FAIM2: variants seen among roughly 807,000 people sequenced by gnomAD.
FAIM2 encodes Fas apoptotic inhibitory molecule 2.
FAIM2 carries 27 observed loss-of-function variants against 47.4 expected under a neutral mutation model. The observed-to-expected ratio is 0.57, with a 90% CI of 0.42 to 0.78. The LOEUF (loss-of-function observed/expected upper bound fraction) is 0.78. Among genes scored for constraint, FAIM2 ranks in the 30% least tolerant of loss-of-function variants. The pLI is 0.00. For synonymous variants in FAIM2, 156 were observed against 159.3 expected, an observed-to-expected ratio of 0.98 and a Z score of 0.16; for missense variants, 311 against 389.4, an observed-to-expected ratio of 0.80 and a Z score of 1.69.
chr12:49,901,289 G>C lies in FAIM2; in HGVS notation c.52C>G (p.Gln18Glu). 6.2e-7 allele frequency: 1 copy of C among 1,604,360 alleles called. No individual in the cohort carries two copies. ...VANKAPGTEGQQQVHGEKKEA... is the reference protein window; with the variant it reads ...VANKAPGTEGEQQVHGEKKEA... ...TTCTTCTCGCCATGCACCTGCTGCT[G>C]CCCCTCGGTCCCAGGGGCCTTGTTA... The change falls in exon 2 of 12, where the codon CAG becomes GAG. Residue 18 changes from glutamine (Q) to glutamate (E), a missense_variant. Physicochemically the swap from Gln to Glu is conservative, Grantham distance 29 (BLOSUM62 2). Coordinates refer to ENST00000320634, the MANE Select transcript of FAIM2 (RefSeq NM_012306.4).
At chr12:49,882,274 G>A (rs1946831443) in intron 11 of FAIM2, among the ~76,000 whole-genome samples, 2 of 152,202 alleles carry the variant, frequency 1.3e-5, no homozygotes, top group Non-Finnish European at 2.9e-5. Flanking sequence ...CTGGGTGCTA[G>A]TTATGGGATA....
intron 10 of FAIM2, among the ~76,000 whole-genome samples, 184 bp from the exon 11 acceptor site, chr12:49,887,623 C>T (rs1041488259): frequency 1.3e-5 from 2 of 152,164 alleles, no homozygotes; most frequent in East Asian, 1.9e-4. Context: ...AAGTGAGGCC[C>T]GGGATAAGAG....
At chr12:49,872,425 T>C (rs562318285) in intron 11 of FAIM2, among the ~76,000 whole-genome samples, 15 of 152,114 alleles carry the variant, frequency 9.9e-5, no homozygotes, top group Non-Finnish European at 2.1e-4. Context: ...GAGGAAGGGA[T>C]TGGGGCTTGC....
At chr12:49,895,702 C>T (rs896554143) in intron 5 of FAIM2, among the ~76,000 whole-genome samples, 2 of 152,220 alleles carry the variant, frequency 1.3e-5, no homozygotes, top group South Asian at 2.1e-4. Flanking sequence ...AGGGTCCTTA[C>T]CATCAGCCTC....
rs1000165773 is a variant in FAIM2, at chr12:49,890,303, A to T, written c.526-149T>A. On this transcript the variant is annotated intron_variant, in intron 7 of 11. Coordinates refer to ENST00000320634, the MANE Select transcript of FAIM2 (RefSeq NM_012306.4). ...CCACACACACTGACTTTCGGGAGTC[A>T]GGCCTGGCTAAGGAGTGTCCCTACT... 8 of 722,662 alleles carry T rather than the reference A, an allele frequency of 1.1e-5. No individual in the cohort carries two copies. In the African/African-American group the frequency reaches 1.2e-4, roughly 11 times the overall value. The allele number at this position is 722,662 out of a possible 1,614,324, so 44.8% of individuals were successfully genotyped here.
chr12:49,872,157 T>C (rs1378666010), intron 11 of FAIM2, among the ~76,000 whole-genome samples: 1 of 152,184 alleles, frequency 6.6e-6, no homozygotes, highest in South Asian at 2.1e-4. Context: ...CGTGCCTGCC[T>C]TGGGGAAGCT....
rs1946725541 is a variant in FAIM2, at chr12:49,874,878, A to T, written c.802-4225T>A. ...GGGGGTGGTTAAATAAACTCTGGGC[A>T]GCAGTGCTGAGGTGGAAACATCTGT... On this transcript the variant is annotated intron_variant, in intron 11 of 11. Transcript: ENST00000320634. This position sits in a 1 kb window ranked among gnomAD's most constrained non-coding sequence, Gnocchi z 4.2. Among the ~76,000 whole-genome samples the T allele has an allele frequency of 6.6e-6, 1 of 152,220 alleles. No homozygotes were observed.
At chr12:49,901,362 G>C (rs1324341391) in intron 1 of FAIM2, 37 bp from the exon 2 acceptor site, 5 of 1,455,408 alleles carry the variant, frequency 3.4e-6, no homozygotes, top group Non-Finnish European at 4.5e-6. Context: ...TAGTCACCAG[G>C]GAAAGGGAGC....
intron 11 of FAIM2, among the ~76,000 whole-genome samples, chr12:49,880,440 TTG>T (rs1946807764): frequency 1.9e-5 from 2 of 107,638 alleles, no homozygotes; most frequent in African/African-American, 8.1e-5. Flanking sequence ...CTCTGCATGT[TTG>T]TGTATGTGCA....
intron 11 of FAIM2, among the ~76,000 whole-genome samples, chr12:49,879,552 GTA>G (rs1946786111): frequency 6.6e-6 from 1 of 151,580 alleles, no homozygotes; most frequent in Non-Finnish European, 1.5e-5. Context: ...GTGTATGGGT[GTA>G]TGTGCATGCA....
intron 11 of FAIM2, among the ~76,000 whole-genome samples, chr12:49,881,536 C>T (rs1037502754): frequency 1.3e-5 from 2 of 152,236 alleles, no homozygotes; most frequent in African/African-American, 2.4e-5. Flanking sequence ...GTCTCAGCTG[C>T]GGCTAGAAGC....
chr12:49,890,554 C>G (rs773672066), intron 7 of FAIM2, 129 bp downstream of exon 7: 40 of 847,634 alleles, frequency 4.7e-5, no homozygotes, highest in Non-Finnish European at 6.9e-5. Context: ...GGTGAAAACA[C>G]CCCTGCCCCG....
In FAIM2 at chr12:49,893,788, G is replaced by A. The variant is rs961101090; in HGVS notation, c.435-2674C>T. Among the ~76,000 whole-genome samples the A allele has an allele frequency of 2.6e-5, 4 of 152,206 alleles. No individual in the cohort carries two copies. The South Asian group carries it at 8.3e-4, about 32-fold the overall frequency. On this transcript the variant is annotated intron_variant, in intron 5 of 11. Coordinates refer to ENST00000320634, the MANE Select transcript of FAIM2 (RefSeq NM_012306.4). The stretch of plus-strand genomic sequence containing the variant: ...ACATCCTGCTCCGTGAGGGACAGCA[G>A]AGCCATCCTGCCCGATTTAGGAAAC...
At chr12:49,883,606 G>A (rs1946840890) in intron 11 of FAIM2, among the ~76,000 whole-genome samples, 1 of 152,150 alleles carries the variant, frequency 6.6e-6, no homozygotes, top group Non-Finnish European at 1.5e-5. Context: ...ATTCAAGAGA[G>A]AGATCCAGGA....
rs139044559 is a variant in FAIM2 at position 49,889,502 on chromosome 12, G to A, written c.630C>T (p.Thr210=). The change falls in exon 9 of 12, where the codon ACC becomes ACT. Residue 210 remains threonine (T), a synonymous_variant. Coordinates refer to ENST00000320634, the MANE Select transcript of FAIM2 (RefSeq NM_012306.4). Reference sequence around the variant, plus strand: ...TGACCTTGGTCTGGAAGCTGAAGACGGTGACTGAGAGGCAGACAAGGGCCG... The same window carrying A: ...TGACCTTGGTCTGGAAGCTGAAGACAGTGACTGAGAGGCAGACAAGGGCCG... ...GITALVCLSV[T]VFSFQTKFDF... 9 of 1,614,066 alleles carry A rather than the reference G, an allele frequency of 5.6e-6. No homozygotes were observed. The highest frequency in any genetic ancestry group is 5.9e-6 in the Non-Finnish European group (7 of 1,179,972).
At chr12:49,892,450 G>A (rs1034926921) in intron 5 of FAIM2, among the ~76,000 whole-genome samples, 2 of 152,058 alleles carry the variant, frequency 1.3e-5, no homozygotes, top group South Asian at 2.1e-4. Flanking sequence ...TCCATCTTCC[G>A]AGCCCAACAA....
At chr12:49,875,734 G>A (rs976980766) in intron 11 of FAIM2, among the ~76,000 whole-genome samples, 2 of 152,180 alleles carry the variant, frequency 1.3e-5, no homozygotes, top group Non-Finnish European at 1.5e-5. Flanking sequence ...CAGCACTTTG[G>A]GAGGCCAAGG....
intron 2 of FAIM2, among the ~76,000 whole-genome samples, chr12:49,900,883 T>C (rs1426801527): frequency 6.6e-6 from 1 of 152,124 alleles, no homozygotes; most frequent in East Asian, 1.9e-4. Context: ...GCATGGTGAC[T>C]TGAAAAAAAA....
chr12:49,903,682 G>A lies in FAIM2; in HGVS notation c.15+96C>T, dbSNP rs534002456. ...GGAGGACCTTCAAACTAGGGCCAGG[G>A]GAGGATGCTTTCGTGGTCCAGAGGG... is the stretch of plus-strand genomic sequence containing the variant. On this transcript the variant is annotated intron_variant, in intron 1 of 11. Transcript: ENST00000320634. The A allele has an allele frequency of 1.6e-5, 23 of 1,461,476 alleles. No homozygotes were observed. The African/African-American group carries it at 2.9e-4, about 19-fold the overall frequency. 90.5% of individuals were successfully genotyped at this position (1,461,476 alleles called of 1,614,324 possible). A position where few individuals can be genotyped will look rare whatever the true frequency, so the allele number is the denominator to read the frequency against.
Sources: allele counts gnomAD v4.1 joint callset (sites outside exome capture counted in the v4.1 genomes callset), GRCh38; gene constraint gnomAD v4.1.1; non-coding constraint Gnocchi (gnomAD v3.1); transcripts MANE v1.5; gene names NCBI Gene and HGNC (gene_info 2026-07-23, HGNC 2026-07-21).